ANO3: variants seen among roughly 807,000 people sequenced by gnomAD.
ANO3 encodes anoctamin 3, also known as anoctamin-3.
Under a neutral mutation model 144.8 loss-of-function variants are expected in ANO3, and 99 were observed. The ratio of observed to expected loss-of-function variants is 0.68; its 90% CI spans 0.58 to 0.81. The LOEUF (loss-of-function observed/expected upper bound fraction) is 0.81. Among genes scored for constraint, ANO3 ranks in the 30% least tolerant of loss-of-function variants. The pLI is 0.00. For missense variants in ANO3, 905 were observed against 1,202.2 expected, an observed-to-expected ratio of 0.75 and a Z score of 3.66; for synonymous variants, 414 against 392.6, an observed-to-expected ratio of 1.05 and a Z score of -0.64.
chr11:26,312,406 T>C (rs1854520736), intron 1 of ANO3, among the ~76,000 whole-genome samples: 1 of 152,228 alleles, frequency 6.6e-6, no homozygotes, highest in Non-Finnish European at 1.5e-5. Flanking sequence ...TCTGGATCCT[T>C]GAGGAATTGC....
chr11:26,488,251 T>C lies in ANO3; in HGVS notation c.433-19853T>C, dbSNP rs140221650. On this transcript the variant is annotated intron_variant, in intron 4 of 26. Coordinates refer to ENST00000256737, the MANE Select transcript of ANO3 (RefSeq NM_031418.4). The stretch of plus-strand genomic sequence containing the variant: ...GTTCAGAAAATTTGCAGCCTGACAA[T>C]GCAGTAGAAAAGAAAACCCCATTTT... Among the ~76,000 whole-genome samples the C allele has an allele frequency of 6.1e-3, 929 of 152,262 alleles. 4 individuals carry two copies. The highest frequency in any genetic ancestry group is 0.011 in the Non-Finnish European group (717 of 68,010).
chr11:26,306,374 T>C (rs1255021055), upstream of ANO3, among the ~76,000 whole-genome samples: 2 of 152,062 alleles, frequency 1.3e-5, no homozygotes, highest in African/African-American at 4.8e-5. Flanking sequence ...CTTACCTCTC[T>C]CCAAGGCTCC....
intron 4 of ANO3, among the ~76,000 whole-genome samples, chr11:26,482,687 G>A (rs534441012): frequency 5.9e-5 from 9 of 152,078 alleles, no homozygotes; most frequent in South Asian, 2.1e-4. Flanking sequence ...GTGAAGCCTG[G>A]GCTATTAGTG....
chr11:26,260,695 T>C (rs1564938043), intron 1 of ANO3, among the ~76,000 whole-genome samples: 1 of 152,166 alleles, frequency 6.6e-6, no homozygotes, highest in African/African-American at 2.4e-5. Context: ...CCAATATAAA[T>C]GTCCCCACTG....
At chr11:26,465,138 G>A (rs1859552638) in intron 4 of ANO3, among the ~76,000 whole-genome samples, 1 of 148,170 alleles carries the variant, frequency 6.7e-6, no homozygotes, top group Admixed American at 6.7e-5. Flanking sequence ...GTGTGTGTGT[G>A]TGTGTGTGTG....
chr11:26,595,460 G>GTTGTTTTTTTTTTT (rs1301892343), intron 14 of ANO3, among the ~76,000 whole-genome samples: 4 of 101,384 alleles, frequency 3.9e-5, no homozygotes, highest in African/African-American at 1.7e-4. Flanking sequence ...AGATAGAGTT[G>GTTGTTTTTTTTTTT]TTTTTTTTTT....
intron 4 of ANO3, among the ~76,000 whole-genome samples, chr11:26,498,191 A>G (rs536470616): frequency 2.0e-5 from 3 of 152,152 alleles, no homozygotes; most frequent in South Asian, 2.1e-4. Context: ...GTAAATGATT[A>G]TGTAGATACA....
chr11:26,393,669 T>G (rs1158267265), intron 1 of ANO3, among the ~76,000 whole-genome samples: 1 of 152,188 alleles, frequency 6.6e-6, no homozygotes, highest in Non-Finnish European at 1.5e-5. Context: ...CAGAAGGTAT[T>G]CAGTACTTTT....
intron 1 of ANO3, among the ~76,000 whole-genome samples, chr11:26,195,510 G>T (rs994051977): frequency 4.6e-5 from 7 of 152,158 alleles, no homozygotes; most frequent in African/African-American, 1.7e-4. Context: ...TATGAATAAT[G>T]CATTAAAGGA....
intron 1 of ANO3, among the ~76,000 whole-genome samples, chr11:26,246,147 A>G (rs1852787945): frequency 6.6e-6 from 1 of 152,270 alleles, no homozygotes; most frequent in South Asian, 2.1e-4. Context: ...TCAGCATGTC[A>G]AAGCACCGTA....
At chr11:26,429,456 A>G (rs568256001) in intron 1 of ANO3, among the ~76,000 whole-genome samples, 3 of 54,142 alleles carry the variant, frequency 5.5e-5, no homozygotes, top group East Asian at 5.7e-4. Flanking sequence ...CTAAATTCCA[A>G]AAGTTCAAAA....
intron 3 of ANO3, among the ~76,000 whole-genome samples, chr11:26,451,642 C>A (rs1445103928): frequency 6.6e-6 from 1 of 152,194 alleles, no homozygotes; most frequent in Non-Finnish European, 1.5e-5. Context: ...TCTGTAGGCT[C>A]TACCTCTGGG....
In ANO3 at chr11:26,563,233, T is replaced by C. The variant is rs367760364; in HGVS notation, c.1447+3454T>C. On this transcript the variant is annotated intron_variant, in intron 14 of 26. Transcript: ENST00000256737. ...GAGACACCCAGAATAGCACCTAAAA[T>C]GGCCCCGAATACTATTCCTGTATTT... 2.5e-6 allele frequency: 4 copies of C among 1,610,270 alleles called. No individual in the cohort carries two copies. The highest frequency in any genetic ancestry group is 2.7e-5 in the African/African-American group (2 of 74,672).
At chr11:26,236,641 A>G (rs1258544731) in intron 1 of ANO3, among the ~76,000 whole-genome samples, 3 of 151,986 alleles carry the variant, frequency 2.0e-5, no homozygotes, top group Non-Finnish European at 2.9e-5. Context: ...ACACAGTGAA[A>G]CCCTGTCTCT....
rs10635488 is a variant in ANO3 at position 26,315,659 on chromosome 11, G to GTCTATCTATCTA, written c.-3+5955_-3+5966dup. Among the ~76,000 whole-genome samples, 139 of 146,054 alleles carry GTCTATCTATCTA rather than the reference G, an allele frequency of 9.5e-4. 2 individuals are homozygous for GTCTATCTATCTA. In the South Asian group the frequency reaches 0.012, roughly 12 times the overall value. On this transcript the variant is annotated intron_variant, in intron 1 of 26. Coordinates refer to the ANO3 transcript ENST00000525139. ...CAAATCTGGACCTATCTATCTGTCT[G>GTCTATCTATCTA]TCTATCTATCTATCTATCTATCTAT...
At chr11:26,226,009 A>T (rs189067851) in intron 1 of ANO3, among the ~76,000 whole-genome samples, 5 of 152,110 alleles carry the variant, frequency 3.3e-5, no homozygotes, top group Admixed American at 3.3e-4. Context: ...CCTGTTAAGT[A>T]CCCCAAGGAG....
intron 1 of ANO3, among the ~76,000 whole-genome samples, chr11:26,343,685 G>A (rs770311178): frequency 2.0e-5 from 3 of 152,202 alleles, no homozygotes; most frequent in Admixed American, 6.5e-5. Context: ...GTTGATAACT[G>A]GAGTGTAGAG....
At chr11:26,232,480 TA>T (rs1852422649) in intron 1 of ANO3, among the ~76,000 whole-genome samples, 1 of 152,020 alleles carries the variant, frequency 6.6e-6, no homozygotes, top group Admixed American at 6.5e-5. Flanking sequence ...CATGAGTCAA[TA>T]ATTTCATTTC....
chr11:26,500,293 A>G (rs754220972), intron 4 of ANO3, among the ~76,000 whole-genome samples: 2 of 151,404 alleles, frequency 1.3e-5, no homozygotes, highest in Non-Finnish European at 3.0e-5. Context: ...GTGTAGATGC[A>G]TTGTTTTTGT....
Sources: allele counts gnomAD v4.1 joint callset (sites outside exome capture counted in the v4.1 genomes callset), GRCh38; gene constraint gnomAD v4.1.1; transcripts MANE v1.5; gene names NCBI Gene and HGNC (gene_info 2026-07-23, HGNC 2026-07-21).